SLC24A3: variants seen among roughly 807,000 people sequenced by gnomAD.
SLC24A3 encodes sodium/potassium/calcium exchanger 3.
In SLC24A3, 28 loss-of-function variants were observed where a neutral mutation model predicts 75.8. The observed-to-expected ratio is 0.37, with a 90% CI of 0.27 to 0.51. The LOEUF (loss-of-function observed/expected upper bound fraction) is 0.51, where lower values mean the gene tolerates loss of function less well. SLC24A3 is among the 20% of genes least tolerant of loss of function. SLC24A3 has a pLI of 0.94. For missense variants in SLC24A3, 663 were observed against 847.8 expected (o/e 0.78, Z 2.71); for synonymous variants, 372 against 334.1 (o/e 1.11, Z -1.24).
chr20:19,645,789 C>T (rs1468530219), intron 6 of SLC24A3, among the ~76,000 whole-genome samples: 3 of 152,204 alleles, frequency 2.0e-5, no homozygotes, highest in Non-Finnish European at 4.4e-5. Flanking sequence ...CACAGTGGCT[C>T]ACCCCCGTAA....
At chr20:19,282,442 G>A (rs763936720) in intron 2 of SLC24A3, among the ~76,000 whole-genome samples, 4 of 152,212 alleles carry the variant, frequency 2.6e-5, no homozygotes, top group Non-Finnish European at 4.4e-5. Context: ...GGGCAGCTAC[G>A]TGAGTTAGAA....
At chr20:19,230,591 T>C (rs1323787469) in intron 1 of SLC24A3, among the ~76,000 whole-genome samples, 1 of 145,546 alleles carries the variant, frequency 6.9e-6, no homozygotes, top group Non-Finnish European at 1.5e-5. Context: ...GGAACTGGGG[T>C]CTCTGAATGG....
At chr20:19,553,639 A>T (rs1435365035) in intron 3 of SLC24A3, among the ~76,000 whole-genome samples, 1 of 152,156 alleles carries the variant, frequency 6.6e-6, no homozygotes, top group Non-Finnish European at 1.5e-5. Flanking sequence ...TGACAAAAGC[A>T]CTTGGTAGCA....
At chr20:19,661,143 T>C (rs1290711886) in intron 7 of SLC24A3, among the ~76,000 whole-genome samples, 2 of 152,190 alleles carry the variant, frequency 1.3e-5, no homozygotes, top group Non-Finnish European at 2.9e-5. Flanking sequence ...GCAAACATAG[T>C]CCTTTCAGTT....
intron 9 of SLC24A3, among the ~76,000 whole-genome samples, chr20:19,677,069 TCC>T (rs2032533358): frequency 6.6e-6 from 1 of 152,240 alleles, no homozygotes; most frequent in African/African-American, 2.4e-5. Context: ...TAACCTGGTA[TCC>T]AGTTTTGAGA....
At chr20:19,655,569 T>G (rs2032256407) in intron 7 of SLC24A3, among the ~76,000 whole-genome samples, 1 of 152,142 alleles carries the variant, frequency 6.6e-6, no homozygotes. Flanking sequence ...AGAGTGCTTT[T>G]CAGAGGAGAT....
chr20:19,705,566 G>A (rs1305532621), intron 15 of SLC24A3, among the ~76,000 whole-genome samples: 6 of 152,090 alleles, frequency 3.9e-5, no homozygotes, highest in Non-Finnish European at 8.8e-5. Context: ...TTTCCAAAAC[G>A]ACACTCAAAA....
At chr20:19,547,359 T>G (rs774742693) in intron 3 of SLC24A3, among the ~76,000 whole-genome samples, 2 of 152,194 alleles carry the variant, frequency 1.3e-5, no homozygotes, top group Admixed American at 6.5e-5. Context: ...ATGCTAATCA[T>G]TGGTGACCTG....
chr20:19,512,736 A>G (rs1202954015), intron 2 of SLC24A3, among the ~76,000 whole-genome samples: 1 of 152,210 alleles, frequency 6.6e-6, no homozygotes, highest in Non-Finnish European at 1.5e-5. Flanking sequence ...GCAGACGTGG[A>G]TGATGCTCAT....
chr20:19,345,032 A>G (rs1377416142), intron 2 of SLC24A3, among the ~76,000 whole-genome samples: 2 of 152,234 alleles, frequency 1.3e-5, no homozygotes, highest in Admixed American at 1.3e-4. Flanking sequence ...TTTGGAAGAA[A>G]GAAATAAACT....
intron 2 of SLC24A3, among the ~76,000 whole-genome samples, chr20:19,416,946 C>A (rs1009283046): frequency 2.0e-5 from 3 of 152,172 alleles, no homozygotes; most frequent in Admixed American, 2.0e-4. Context: ...GAGCAGTTAA[C>A]CTAAAACCAA....
intron 2 of SLC24A3, among the ~76,000 whole-genome samples, chr20:19,461,714 G>A (rs138493534): frequency 0.067 from 10,150 of 151,642 alleles, 1,114 homozygotes; most frequent in African/African-American, 0.23. Flanking sequence ...TGTATTTTTA[G>A]TAGAGACGAG....
chr20:19,486,197 A>G (rs1417031408), intron 2 of SLC24A3, among the ~76,000 whole-genome samples: 1 of 152,178 alleles, frequency 6.6e-6, no homozygotes, highest in Non-Finnish European at 1.5e-5. Context: ...CATGGTACTA[A>G]GTAGGGAAAC....
At chr20:19,462,657 A>T (rs1987698360) in intron 2 of SLC24A3, among the ~76,000 whole-genome samples, 1 of 152,170 alleles carries the variant, frequency 6.6e-6, no homozygotes, top group Non-Finnish European at 1.5e-5. Context: ...CTGAGAGTCC[A>T]TGTGGAGTGG....
intron 3 of SLC24A3, among the ~76,000 whole-genome samples, chr20:19,544,471 G>A (rs933131636): frequency 1.3e-5 from 2 of 152,220 alleles, no homozygotes; most frequent in African/African-American, 2.4e-5. Flanking sequence ...TAAAAGTAAC[G>A]TGAAATTCTA....
At chr20:19,546,885 G>A (rs1261789675) in intron 3 of SLC24A3, among the ~76,000 whole-genome samples, 1 of 152,098 alleles carries the variant, frequency 6.6e-6, no homozygotes, top group African/African-American at 2.4e-5. Flanking sequence ...TTTCCACCCA[G>A]CCACTGCATG....
intron 2 of SLC24A3, among the ~76,000 whole-genome samples, chr20:19,470,371 CTT>C (rs1323301948): frequency 1.3e-5 from 2 of 152,084 alleles, no homozygotes; most frequent in African/African-American, 2.4e-5. Context: ...TTAGGGCCAA[CTT>C]TTTTTCTCTG....
intron 2 of SLC24A3, among the ~76,000 whole-genome samples, chr20:19,378,159 A>G (rs1236775049): frequency 6.6e-6 from 1 of 152,166 alleles, no homozygotes. Flanking sequence ...AACCCTGTAG[A>G]GCCAGGTACT....
At chr20:19,384,036 A>G (rs1986229099) in intron 2 of SLC24A3, among the ~76,000 whole-genome samples, 1 of 152,174 alleles carries the variant, frequency 6.6e-6, no homozygotes, top group South Asian at 2.1e-4. Flanking sequence ...CTCTAGCTTT[A>G]TCAAGGCATA....
Sources: allele counts gnomAD v4.1 joint callset (sites outside exome capture counted in the v4.1 genomes callset), GRCh38; gene constraint gnomAD v4.1.1; transcripts MANE v1.5; gene names NCBI Gene and HGNC (gene_info 2026-07-23, HGNC 2026-07-21).